ACAP2: variants seen among roughly 807,000 people sequenced by gnomAD.
The protein encoded by ACAP2 is ArfGAP with coiled-coil, ankyrin repeat and PH domains 2.
ACAP2 carries 39 observed loss-of-function variants against 115.8 expected under a neutral mutation model. The ratio of observed to expected loss-of-function variants is 0.34; its 90% CI spans 0.26 to 0.44. The LOEUF is 0.44. Ranked by LOEUF, ACAP2 falls within the 20% of genes least tolerant of loss-of-function variation. ACAP2 has a pLI of 1.00. For missense variants in ACAP2, 662 were observed against 927.6 expected (o/e 0.71, Z 3.72); for synonymous variants, 289 against 315.8 (o/e 0.92, Z 0.90).
intron 4 of ACAP2, among the ~76,000 whole-genome samples, chr3:195,353,214 G>C (rs1244242537): frequency 6.6e-6 from 1 of 152,130 alleles, no homozygotes; most frequent in Admixed American, 6.6e-5. Flanking sequence ...CTTGGTCAGA[G>C]GACCAGAGAC....
At chr3:195,372,219 G>T (rs1733199153) in intron 4 of ACAP2, among the ~76,000 whole-genome samples, 3 of 152,250 alleles carry the variant, frequency 2.0e-5, no homozygotes, top group African/African-American at 4.8e-5. Flanking sequence ...AAAATGTCAA[G>T]AACTTTGTTA....
intron 2 of ACAP2, among the ~76,000 whole-genome samples, chr3:195,389,397 A>AC (rs546859680): frequency 2.6e-5 from 4 of 152,268 alleles, no homozygotes; most frequent in Non-Finnish European, 5.9e-5. Context: ...GAGGTGTCCC[A>AC]CCACAGTGTT....
At chr3:195,403,162 A>C (rs1712456151) in intron 1 of ACAP2, among the ~76,000 whole-genome samples, 1 of 152,232 alleles carries the variant, frequency 6.6e-6, no homozygotes, top group African/African-American at 2.4e-5. Context: ...CATGCAGACA[A>C]GGGTGTTAAC....
At chr3:195,393,325 C>CT (rs1711508599) in intron 1 of ACAP2, among the ~76,000 whole-genome samples, 1 of 152,196 alleles carries the variant, frequency 6.6e-6, no homozygotes, top group African/African-American at 2.4e-5. Context: ...ACAAAAAACT[C>CT]TATTTCCAGA....
chr3:195,292,921 C>CAAAAAAAAAA (rs3988217), intron 18 of ACAP2, among the ~76,000 whole-genome samples: 3 of 76,728 alleles, frequency 3.9e-5, no homozygotes, highest in South Asian at 4.7e-4. Context: ...GACTCAGTCT[C>CAAAAAAAAAA]AAAAAAAAAA....
At chr3:195,407,220 C>T (rs964577567) in intron 1 of ACAP2, among the ~76,000 whole-genome samples, 29 of 146,850 alleles carry the variant, frequency 2.0e-4, no homozygotes, top group Admixed American at 4.8e-4. Context: ...AAAAAAGCCA[C>T]GGGTGGTAGC....
intron 2 of ACAP2, 69 bp from the exon 3 acceptor site, chr3:195,382,091 G>A: frequency 6.8e-7 from 1 of 1,473,608 alleles, no homozygotes; most frequent in African/African-American, 1.4e-5. Flanking sequence ...AACAAGTGTT[G>A]GCAGTAACTA....
chr3:195,361,428 T>G (rs557150885), intron 4 of ACAP2, among the ~76,000 whole-genome samples: 1 of 143,796 alleles, frequency 7.0e-6, no homozygotes, highest in African/African-American at 2.6e-5. Context: ...AGAGCAAGAC[T>G]CTGTCTCAAA....
chr3:195,441,150 T>C (rs1421292021), intron 1 of ACAP2, among the ~76,000 whole-genome samples: 2 of 150,626 alleles, frequency 1.3e-5, no homozygotes, highest in Non-Finnish European at 3.0e-5. Flanking sequence ...AAAAAATTAA[T>C]GTGAAACAAA....
At chr3:195,400,219 T>C (rs1172502563) in intron 1 of ACAP2, among the ~76,000 whole-genome samples, 1 of 151,636 alleles carries the variant, frequency 6.6e-6, no homozygotes, top group East Asian at 1.9e-4. Context: ...TGTATATATA[T>C]ATGTGTGTGT....
chr3:195,372,867 T>G (rs1436201967), intron 4 of ACAP2, among the ~76,000 whole-genome samples: 5 of 151,648 alleles, frequency 3.3e-5, no homozygotes, highest in African/African-American at 1.2e-4. Flanking sequence ...ACTGACTGTT[T>G]TGCAAACTAC....
chr3:195,389,000 G>A (rs1734479733), intron 2 of ACAP2, among the ~76,000 whole-genome samples: 1 of 151,212 alleles, frequency 6.6e-6, no homozygotes, highest in Non-Finnish European at 1.5e-5. Flanking sequence ...CTCCAGCCTG[G>A]GTGACAGAGC....
At chr3:195,402,589 C>G (rs1344970627) in intron 1 of ACAP2, among the ~76,000 whole-genome samples, 6 of 152,064 alleles carry the variant, frequency 3.9e-5, no homozygotes, top group Admixed American at 3.3e-4. Flanking sequence ...TAGAATAATA[C>G]AGATTTGGAC....
At chr3:195,327,118 T>G (rs1342046970) in intron 8 of ACAP2, among the ~76,000 whole-genome samples, 159 bp from the exon 9 acceptor site, 1 of 152,228 alleles carries the variant, frequency 6.6e-6, no homozygotes. Context: ...TTCATATTTT[T>G]TTCTGCTATC....
intron 20 of ACAP2, 89 bp downstream of exon 20, chr3:195,291,617 T>C: frequency 9.9e-7 from 1 of 1,010,016 alleles, no homozygotes; most frequent in Non-Finnish European, 1.4e-6. Context: ...AAACACTACC[T>C]GAAAACTTTA....
intron 4 of ACAP2, among the ~76,000 whole-genome samples, chr3:195,367,591 A>C (rs1403182116): frequency 1.3e-5 from 2 of 152,124 alleles, no homozygotes; most frequent in Non-Finnish European, 2.9e-5. Context: ...CCTTACCCTG[A>C]ATCTGGGGTG....
chr3:195,382,959 T>C (rs927854461), intron 2 of ACAP2, among the ~76,000 whole-genome samples: 4 of 151,798 alleles, frequency 2.6e-5, no homozygotes, highest in Non-Finnish European at 1.5e-5. Context: ...ACAGAAGATA[T>C]TGCTATACTG....
intron 4 of ACAP2, among the ~76,000 whole-genome samples, chr3:195,367,747 GAGA>G (rs1422744358): frequency 6.6e-6 from 1 of 152,220 alleles, no homozygotes; most frequent in Non-Finnish European, 1.5e-5. Flanking sequence ...CTGCTGGGGA[GAGA>G]GGCCAAATGT....
chr3:195,304,722 A>G (rs906183164), intron 13 of ACAP2, among the ~76,000 whole-genome samples: 4 of 152,324 alleles, frequency 2.6e-5, no homozygotes, highest in African/African-American at 9.6e-5. Flanking sequence ...CAGGAGATCA[A>G]TGAGTCTTCT....
Sources: gnomAD v4.1 joint callset for allele counts (sites outside exome capture counted in the v4.1 genomes callset) on GRCh38, gnomAD v4.1.1 for gene constraint, MANE v1.5 for transcripts, NCBI Gene and HGNC (gene_info 2026-07-23, HGNC 2026-07-21) for gene names.